The following KCNK2 variants were observed in gnomAD, a reference collection of about 807,000 sequenced individuals.
KCNK2 encodes potassium channel subfamily K member 2.
KCNK2 carries 21 observed loss-of-function variants against 40.5 expected under a neutral mutation model. The ratio of observed to expected loss-of-function variants is 0.52; its 90% CI spans 0.37 to 0.75. The LOEUF (loss-of-function observed/expected upper bound fraction) is 0.75, where lower values mean the gene tolerates loss of function less well. Among genes scored for constraint, KCNK2 ranks in the 30% least tolerant of loss-of-function variants. The probability of loss-of-function intolerance (pLI) is 0.00; values close to 1 mark genes in which losing one functional copy is unlikely to be tolerated. For synonymous variants in KCNK2, 191 were observed against 202.2 expected (o/e 0.94, Z 0.47); for missense variants, 399 against 531.6 (o/e 0.75, Z 2.45).
intron 1 of KCNK2, among the ~76,000 whole-genome samples, chr1:215,037,968 G>C (rs1475229946): frequency 6.6e-6 from 1 of 151,810 alleles, no homozygotes; most frequent in African/African-American, 2.4e-5. Flanking sequence ...ATATACCTTA[G>C]GTGGTAGAAG....
chr1:215,065,282 A>AT (rs1439317301), intron 1 of KCNK2, among the ~76,000 whole-genome samples: 7 of 152,174 alleles, frequency 4.6e-5, no homozygotes, highest in Non-Finnish European at 8.8e-5. Context: ...TCAAAGTTTG[A>AT]TTTTGTACAT....
chr1:215,056,301 T>C (rs1413767798), intron 1 of KCNK2, among the ~76,000 whole-genome samples: 4 of 50,852 alleles, frequency 7.9e-5, no homozygotes, highest in African/African-American at 1.3e-4. Flanking sequence ...AGAGTGAAAC[T>C]CCATCTCAAA....
At chr1:215,096,650 A>G (rs1017909993) in intron 2 of KCNK2, among the ~76,000 whole-genome samples, 3 of 151,940 alleles carry the variant, frequency 2.0e-5, no homozygotes, top group African/African-American at 7.2e-5. Flanking sequence ...TTTGTGGTAA[A>G]GTAGCTTTAA....
chr1:215,179,239 T>G (rs1005600689), intron 5 of KCNK2, among the ~76,000 whole-genome samples: 4 of 151,994 alleles, frequency 2.6e-5, no homozygotes, highest in Non-Finnish European at 5.9e-5. Context: ...TTGGATCTTC[T>G]CTCATTTTTT....
chr1:215,095,603 T>C (rs1571904543), intron 2 of KCNK2, among the ~76,000 whole-genome samples: 1 of 152,094 alleles, frequency 6.6e-6, no homozygotes, highest in African/African-American at 2.4e-5. Context: ...CTAACGCTTC[T>C]TTCCACAGTA....
intron 5 of KCNK2, among the ~76,000 whole-genome samples, chr1:215,181,184 C>T (rs1296133028): frequency 4.6e-5 from 7 of 152,122 alleles, no homozygotes; most frequent in Non-Finnish European, 7.4e-5. Context: ...GTTTGAAATT[C>T]CTTAAGTGAG....
intron 1 of KCNK2, among the ~76,000 whole-genome samples, chr1:215,019,107 A>G (rs1449345360): frequency 6.6e-6 from 1 of 152,162 alleles, no homozygotes; most frequent in African/African-American, 2.4e-5. Context: ...TTCCACTGTT[A>G]TCAATAACTG....
At chr1:215,214,185 C>T (rs555023051) in intron 6 of KCNK2, among the ~76,000 whole-genome samples, 17 of 152,244 alleles carry the variant, frequency 1.1e-4, no homozygotes, top group South Asian at 2.1e-4. Flanking sequence ...GCTGTACAGA[C>T]GCATGGCTGG....
chr1:215,043,910 A>G (rs150627829), intron 1 of KCNK2, among the ~76,000 whole-genome samples: 209 of 152,330 alleles, frequency 1.4e-3, no homozygotes, highest in African/African-American at 4.8e-3. Context: ...CAAATGCAAG[A>G]AATCTGTAGA....
intron 6 of KCNK2, among the ~76,000 whole-genome samples, chr1:215,233,357 G>A (rs1385095738): frequency 6.6e-6 from 1 of 151,862 alleles, no homozygotes; most frequent in East Asian, 1.9e-4. Flanking sequence ...GTATGTGTCT[G>A]TATGATTATG....
chr1:215,171,920 GTCTCTC>G (rs3834061), intron 4 of KCNK2, 71 bp from the exon 5 acceptor site: 641,686 of 884,034 alleles, frequency 0.73, 228,286 homozygotes, highest in Non-Finnish European at 0.75. Context: ...CTCTCTCTTT[GTCTCTC>G]TCTCTCTCTC....
intron 3 of KCNK2, among the ~76,000 whole-genome samples, chr1:215,133,621 CT>C (rs367681412): frequency 0.11 from 16,103 of 140,682 alleles, 2,652 homozygotes; most frequent in African/African-American, 0.37. Flanking sequence ...CTTCCTAATT[CT>C]TTTTTTTTTT....
chr1:215,080,071 T>C (rs1250824133), upstream of KCNK2, among the ~76,000 whole-genome samples: 1 of 152,172 alleles, frequency 6.6e-6, no homozygotes, highest in African/African-American at 2.4e-5. Context: ...ACAACTGCTA[T>C]GTATGAATTG....
At chr1:215,206,911 T>C (rs1299750258) in intron 6 of KCNK2, among the ~76,000 whole-genome samples, 1 of 152,186 alleles carries the variant, frequency 6.6e-6, no homozygotes, top group Non-Finnish European at 1.5e-5. Flanking sequence ...CCATGCTTGG[T>C]AATCAGACAG....
At chr1:215,215,678 A>G (rs1393622993) in intron 6 of KCNK2, among the ~76,000 whole-genome samples, 5 of 152,186 alleles carry the variant, frequency 3.3e-5, no homozygotes, top group African/African-American at 1.2e-4. Context: ...AAAGGACACT[A>G]AAGTATTAGG....
At chr1:215,056,065 G>A (rs1658147090) in intron 1 of KCNK2, among the ~76,000 whole-genome samples, 1 of 152,106 alleles carries the variant, frequency 6.6e-6, no homozygotes, top group Non-Finnish European at 1.5e-5. Flanking sequence ...CAGCACTTTG[G>A]GAGGCCAAGG....
intron 1 of KCNK2, among the ~76,000 whole-genome samples, chr1:215,013,478 A>G (rs1656479804): frequency 6.6e-6 from 1 of 152,170 alleles, no homozygotes; most frequent in Non-Finnish European, 1.5e-5. Context: ...TCGGGATTTT[A>G]ATTGGGATAA....
intron 1 of KCNK2, among the ~76,000 whole-genome samples, chr1:215,027,330 T>C (rs1449012938): frequency 6.6e-6 from 1 of 152,200 alleles, no homozygotes; most frequent in African/African-American, 2.4e-5. Flanking sequence ...CTGGGTTTTA[T>C]TGGATTCTTT....
intron 1 of KCNK2, 55 bp from the exon 2 acceptor site, chr1:215,086,313 G>T: frequency 1.4e-6 from 2 of 1,432,802 alleles, no homozygotes; most frequent in South Asian, 2.4e-5. Flanking sequence ...GAAGAAGCCC[G>T]ACCAATTCCC....
Sources: gnomAD v4.1 joint callset for allele counts (sites outside exome capture counted in the v4.1 genomes callset) on GRCh38, gnomAD v4.1.1 for gene constraint, MANE v1.5 for transcripts, NCBI Gene and HGNC (gene_info 2026-07-23, HGNC 2026-07-21) for gene names.